Variants in ITGA1 observed in about 807,000 individuals in gnomAD.
ITGA1 encodes integrin subunit alpha 1.
Under a neutral mutation model 145.9 loss-of-function variants are expected in ITGA1, and 85 were observed. That is an observed-to-expected ratio of 0.58 (90% CI 0.49 to 0.70). The LOEUF (loss-of-function observed/expected upper bound fraction) is 0.70. ITGA1 is among the 30% of genes least tolerant of loss of function. ITGA1 has a pLI of 0.00. For synonymous variants in ITGA1, 520 were observed against 495.3 expected (o/e 1.05, Z -0.66); for missense variants, 1,351 against 1,418.7 (o/e 0.95, Z 0.77).
chr5:52,819,173 G>C (rs1561217643), intron 1 of ITGA1, among the ~76,000 whole-genome samples: 1 of 152,192 alleles, frequency 6.6e-6, no homozygotes, highest in Admixed American at 6.5e-5. Flanking sequence ...GTAATGGGAT[G>C]GTGGGGTCAA....
chr5:52,826,210 T>C (rs1748959761), intron 1 of ITGA1, among the ~76,000 whole-genome samples: 1 of 152,146 alleles, frequency 6.6e-6, no homozygotes, highest in South Asian at 2.1e-4. Flanking sequence ...ATATAGAAAG[T>C]TGAGTGGTCT....
At chr5:52,823,139 C>T (rs773673339) in intron 1 of ITGA1, among the ~76,000 whole-genome samples, 1 of 152,036 alleles carries the variant, frequency 6.6e-6, no homozygotes, top group Admixed American at 6.6e-5. Flanking sequence ...AGACAAGCCT[C>T]GGAGAGAGAT....
chr5:52,804,612 C>T (rs1051063747), intron 1 of ITGA1, among the ~76,000 whole-genome samples: 7 of 152,138 alleles, frequency 4.6e-5, no homozygotes, highest in Non-Finnish European at 1.0e-4. Flanking sequence ...ATTCTCTTAA[C>T]CTCCAATTAT....
In ITGA1 at chr5:52,865,730, T is replaced by C; in HGVS notation, c.537T>C (p.Gly179=). 6.3e-7 allele frequency: 1 copy of C among 1,598,356 alleles called. No individual in the cohort carries two copies. The highest frequency in any genetic ancestry group is 8.5e-7 in the Non-Finnish European group (1 of 1,174,472). The change falls in exon 6 of 29, where the codon GGT becomes GGC. Residue 179 remains glycine, a synonymous_variant. Coordinates refer to ENST00000282588, the MANE Select transcript of ITGA1 (RefSeq NM_181501.2). ...TQLDIVIVLD[G]SNSIYPWDSV... is the part of the protein sequence containing the mutation. ...TGGACATAGTCATAGTGCTGGATGGTTCCAACAGTATTTACCCATGGGACA... is the reference window on the plus strand; with the variant it reads ...TGGACATAGTCATAGTGCTGGATGGCTCCAACAGTATTTACCCATGGGACA...
At chr5:52,879,277 G>A (rs1749916756) in intron 6 of ITGA1, among the ~76,000 whole-genome samples, 1 of 151,600 alleles carries the variant, frequency 6.6e-6, no homozygotes, top group Admixed American at 6.6e-5. Context: ...AGGAGTAGGA[G>A]GGAAAATTTT....
At chr5:52,830,371 A>G (rs934061223) in intron 1 of ITGA1, among the ~76,000 whole-genome samples, 4 of 152,198 alleles carry the variant, frequency 2.6e-5, no homozygotes, top group South Asian at 2.1e-4. Context: ...ACTTATTTCA[A>G]AGATAAACTT....
At chr5:52,818,674 G>A (rs1748816477) in intron 1 of ITGA1, among the ~76,000 whole-genome samples, 1 of 152,184 alleles carries the variant, frequency 6.6e-6, no homozygotes, top group South Asian at 2.1e-4. Context: ...TAAATCAGTA[G>A]AGAATGCTAA....
rs111965734 is a variant in ITGA1 at position 52,949,735 on chromosome 5, G to A, written c.3495+2274G>A. ...GGTCCCTGGTTGGATTCAGACTTTC[G>A]GTAGTTCCATTATATCAAGAAGGCT... On this transcript the variant is annotated intron_variant, in intron 28 of 28. Coordinates refer to ENST00000282588, the MANE Select transcript of ITGA1 (RefSeq NM_181501.2). 5.9e-3 allele frequency among the ~76,000 whole-genome samples: 900 copies of A among 152,166 alleles called. 8 individuals carry two copies. Among genetic ancestry groups the A allele is most frequent in the African/African-American group, 0.021 (866 of 41,528 alleles).
At chr5:52,917,993 G>A (rs370598007) in intron 15 of ITGA1, among the ~76,000 whole-genome samples, 1 of 152,098 alleles carries the variant, frequency 6.6e-6, no homozygotes, top group Non-Finnish European at 1.5e-5. Flanking sequence ...TGCAGTAATT[G>A]TTCCGGCTTG....
chr5:52,918,772 G>A lies in ITGA1; in HGVS notation c.2029G>A (p.Glu677Lys), dbSNP rs148483490. The A allele has an allele frequency of 6.2e-6, 10 of 1,611,894 alleles. No homozygotes were observed. The highest frequency in any genetic ancestry group is 7.6e-6 in the Non-Finnish European group (9 of 1,179,066). Residue 677 changes from glutamate to lysine, a missense_variant, in exon 16 of 29, where the codon GAG becomes AAG. Physicochemically the swap from Glu to Lys is moderately conservative, Grantham distance 56. Coordinates refer to ENST00000282588, the MANE Select transcript of ITGA1 (RefSeq NM_181501.2). ...CGTAGTTAAAGTGACCATGAATTTT[G>A]AGCCAAATAAAGTGAATATTCAAAA... ...VAVVKVTMNF[E>K]PNKVNIQKKN...
intron 2 of ITGA1, among the ~76,000 whole-genome samples, chr5:52,854,122 A>C (rs1260794269): frequency 1.3e-5 from 2 of 151,992 alleles, no homozygotes; most frequent in African/African-American, 4.8e-5. Context: ...TTCAGGATCC[A>C]CCCTTGCCAA....
chr5:52,811,389 A>G (rs1399436820), intron 1 of ITGA1, among the ~76,000 whole-genome samples: 1 of 152,198 alleles, frequency 6.6e-6, no homozygotes. Flanking sequence ...TGCAGTAACA[A>G]TAATTGCTTG....
chr5:52,939,969 A>C (rs1328746939), intron 26 of ITGA1, 25 bp downstream of exon 26: 1 of 1,220,864 alleles, frequency 8.2e-7, no homozygotes, highest in Admixed American at 1.7e-5. Context: ...AGTTCTATGC[A>C]CTTATTGAAT....
intron 1 of ITGA1, chr5:52,800,276 G>A: frequency 9.7e-7 from 1 of 1,030,276 alleles, no homozygotes. Context: ...CGCCAGGCAA[G>A]TGCCCTTAGA....
chr5:52,944,781 C>T (rs752893623), intron 26 of ITGA1, among the ~76,000 whole-genome samples, 162 bp from the exon 27 acceptor site: 1 of 152,024 alleles, frequency 6.6e-6, no homozygotes, highest in Non-Finnish European at 1.5e-5. Flanking sequence ...GACAAGTGCA[C>T]GGTTATTATT....
intron 5 of ITGA1, 57 bp from the exon 6 acceptor site, chr5:52,865,633 C>T (rs569914456): frequency 2.2e-6 from 3 of 1,392,858 alleles, no homozygotes; most frequent in African/African-American, 1.5e-5. Context: ...GAAAGCACTT[C>T]ATATGCCTCT....
chr5:52,932,204 C>T (rs1447361277), intron 22 of ITGA1, 68 bp downstream of exon 22: 1 of 975,902 alleles, frequency 1.0e-6, no homozygotes, highest in African/African-American at 1.6e-5. Flanking sequence ...AGTGTGGTCC[C>T]TGCCTGGCCA....
At chr5:52,847,660 C>A (rs759157689) in intron 1 of ITGA1, among the ~76,000 whole-genome samples, 3 of 152,184 alleles carry the variant, frequency 2.0e-5, no homozygotes, top group Non-Finnish European at 4.4e-5. Flanking sequence ...TCAAGCGGTG[C>A]CCCTGCCTCA....
rs1348412348 is a variant in ITGA1 at position 52,956,617 on chromosome 5, A to T, written c.*4166A>T. The T allele has an allele frequency of 2.6e-5, 4 of 152,258 alleles. No homozygotes were observed. In the East Asian group the frequency reaches 7.7e-4, roughly 29 times the overall value. 9.4% of individuals were successfully genotyped at this position (152,258 alleles called of 1,614,324 possible). A position where few individuals can be genotyped will look rare whatever the true frequency, so the allele number is the denominator to read the frequency against. On this transcript the variant is annotated 3_prime_UTR_variant, in exon 29 of 29. Coordinates refer to ENST00000282588, the MANE Select transcript of ITGA1 (RefSeq NM_181501.2). ...GCAGAATATACTTCCAAGCTGGAACATCTTTAAGACATTTACAAACTGTTA... is the reference window on the plus strand; with the variant it reads ...GCAGAATATACTTCCAAGCTGGAACTTCTTTAAGACATTTACAAACTGTTA...
Sources: gnomAD v4.1 joint callset for allele counts (sites outside exome capture counted in the v4.1 genomes callset) on GRCh38, gnomAD v4.1.1 for gene constraint, MANE v1.5 for transcripts, NCBI Gene and HGNC (gene_info 2026-07-23, HGNC 2026-07-21) for gene names.